Variants in ANGPT1 observed in about 807,000 individuals in gnomAD.
The protein encoded by ANGPT1 is angiopoietin-1.
Under a neutral mutation model 62.2 loss-of-function variants are expected in ANGPT1, and 17 were observed. The observed-to-expected ratio is 0.27, with a 90% CI of 0.19 to 0.41. The LOEUF (loss-of-function observed/expected upper bound fraction) is 0.41, where lower values mean the gene tolerates loss of function less well. Ranked by LOEUF, ANGPT1 falls within the 10% of genes least tolerant of loss-of-function variation. The pLI is 1.00. For synonymous variants in ANGPT1, 199 were observed against 198.9 expected (o/e 1.00, Z 0.00); for missense variants, 478 against 594.9 (o/e 0.80, Z 2.04).
At chr8:107,437,193 T>C (rs1227447122) in intron 1 of ANGPT1, among the ~76,000 whole-genome samples, 1 of 152,198 alleles carries the variant, frequency 6.6e-6, no homozygotes, top group Non-Finnish European at 1.5e-5. Context: ...TTAACTGGCC[T>C]GTTAAGAAAC....
At position 107,366,598 on chromosome 8, in the gene ANGPT1, C is replaced by G. The variant is rs142895912; in HGVS notation, c.298-19501G>C. Among the ~76,000 whole-genome samples, 1,173 of 152,222 alleles carry G rather than the reference C, an allele frequency of 7.7e-3. 19 individuals carry two copies. The highest frequency in any genetic ancestry group is 0.027 in the African/African-American group (1,104 of 41,518). ...CTTGTTGTCATTATTTTTAAGTTAACAGTTGTGAAACTTAACTGCGTATTG... is the reference window on the plus strand; with the variant it reads ...CTTGTTGTCATTATTTTTAAGTTAAGAGTTGTGAAACTTAACTGCGTATTG... On this transcript the variant is annotated intron_variant, in intron 1 of 8. Coordinates refer to ENST00000517746, the MANE Select transcript of ANGPT1 (RefSeq NM_001146.5).
chr8:107,469,544 C>G (rs2130494234), intron 1 of ANGPT1, among the ~76,000 whole-genome samples: 1 of 152,088 alleles, frequency 6.6e-6, no homozygotes, highest in East Asian at 1.9e-4. Flanking sequence ...TGCACCAGCT[C>G]TATGACAGGC....
intron 1 of ANGPT1, among the ~76,000 whole-genome samples, chr8:107,433,620 TC>T (rs1438981502): frequency 2.0e-5 from 3 of 152,176 alleles, no homozygotes; most frequent in African/African-American, 2.4e-5. Flanking sequence ...GCTATTATGG[TC>T]CATAATTTTA....
chr8:107,257,140 G>A (rs960746397), intron 8 of ANGPT1, among the ~76,000 whole-genome samples: 5 of 152,270 alleles, frequency 3.3e-5, no homozygotes, highest in East Asian at 1.9e-4. Flanking sequence ...GATTACAGGC[G>A]TGAGCCACCG....
intron 1 of ANGPT1, among the ~76,000 whole-genome samples, chr8:107,396,440 G>T (rs867229623): frequency 8.7e-5 from 13 of 150,192 alleles, no homozygotes; most frequent in Middle Eastern, 3.4e-3. Flanking sequence ...ATAGAGATAT[G>T]TAAGGACATT....
intron 1 of ANGPT1, among the ~76,000 whole-genome samples, chr8:107,352,463 A>G (rs1217160371): frequency 6.6e-6 from 1 of 152,150 alleles, no homozygotes; most frequent in South Asian, 2.1e-4. Flanking sequence ...TGATGCTATC[A>G]TTCTCCATCA....
chr8:107,321,887 C>T lies in ANGPT1; in HGVS notation c.808+9G>A, dbSNP rs1203016690. On this transcript the variant is annotated intron_variant, in intron 4 of 8. Transcript: ENST00000517746. ...ATTAACAATACCAAAGTGAGGAAGA[C>T]ATTCTTACCACCTTCTTTAGTGCAA... 1 of 1,610,244 alleles carries T rather than the reference C, an allele frequency of 6.2e-7. No individual in the cohort carries two copies. The highest frequency in any genetic ancestry group is 1.7e-5 in the Admixed American group (1 of 59,940).
At position 107,497,457 on chromosome 8, in the gene ANGPT1, G is replaced by A. The variant is rs139398295; in HGVS notation, c.102C>T (p.Asn34=). The A allele has an allele frequency of 2.4e-5, 38 of 1,614,016 alleles. No homozygotes were observed. The East Asian group carries it at 4.9e-4, about 21-fold the overall frequency. The part of the protein sequence containing the change: ...RSPENSGRRY[N]RIQHGQCAYT... The stretch of plus-strand genomic sequence containing the variant: ...AGGCACATTGCCCATGTTGAATCCG[G>A]TTATATCTTCTCCCACTGTTTTCTG... Residue 34 remains asparagine (N), a synonymous_variant, in exon 1 of 9, where the codon AAC becomes AAT. Transcript: ENST00000517746.
chr8:107,456,192 A>G (rs866484321), intron 1 of ANGPT1, among the ~76,000 whole-genome samples: 18 of 152,240 alleles, frequency 1.2e-4, no homozygotes, highest in African/African-American at 3.6e-4. Context: ...GATTTGGTCA[A>G]CGTTAAAACA....
At chr8:107,457,447 T>C (rs1811948079) in intron 1 of ANGPT1, among the ~76,000 whole-genome samples, 1 of 152,100 alleles carries the variant, frequency 6.6e-6, no homozygotes, top group African/African-American at 2.4e-5. Flanking sequence ...GAATAAATTA[T>C]AATAAAGATT....
Position 107,250,067 on chromosome 8 carries a change from A to G in ANGPT1, c.*1788T>C, listed in dbSNP as rs965770183. ...GTAAACTTTAAAAAGTATTTTTCTTAACAATGTGAATAGCTTTATTTTCTC... is the reference window on the plus strand; with the variant it reads ...GTAAACTTTAAAAAGTATTTTTCTTGACAATGTGAATAGCTTTATTTTCTC... On this transcript the variant is annotated 3_prime_UTR_variant, in exon 9 of 9. Coordinates refer to ENST00000517746, the MANE Select transcript of ANGPT1 (RefSeq NM_001146.5). 6.6e-6 allele frequency: 1 copy of G among 152,594 alleles called. No individual in the cohort carries two copies. Among genetic ancestry groups the G allele is most frequent in the Non-Finnish European group, 1.5e-5 (1 of 68,016 alleles). 9.5% of individuals were successfully genotyped at this position (152,594 alleles called of 1,614,324 possible). A position where few individuals can be genotyped will look rare whatever the true frequency, so the allele number is the denominator to read the frequency against.
intron 1 of ANGPT1, among the ~76,000 whole-genome samples, chr8:107,439,161 TG>T (rs1422172916): frequency 2.0e-5 from 3 of 152,186 alleles, no homozygotes; most frequent in Non-Finnish European, 4.4e-5. Context: ...ATTTCTAGGT[TG>T]TTATCATACC....
chr8:107,405,684 G>C (rs1002807469), intron 1 of ANGPT1, among the ~76,000 whole-genome samples: 1 of 151,812 alleles, frequency 6.6e-6, no homozygotes, highest in Non-Finnish European at 1.5e-5. Context: ...AATCTGAAAC[G>C]CTCCTGGTCC....
At chr8:107,379,808 G>T (rs1190824146) in intron 1 of ANGPT1, among the ~76,000 whole-genome samples, 1 of 152,172 alleles carries the variant, frequency 6.6e-6, no homozygotes, top group African/African-American at 2.4e-5. Context: ...TTAAGAAAAA[G>T]TGAATTTATT....
intron 1 of ANGPT1, among the ~76,000 whole-genome samples, chr8:107,415,812 C>T (rs137871710): frequency 4.7e-4 from 72 of 152,242 alleles, no homozygotes; most frequent in Middle Eastern, 3.4e-3. Context: ...TTGAAGCCAA[C>T]CTTTCCCTAT....
chr8:107,410,701 T>G (rs1817250104), intron 1 of ANGPT1, among the ~76,000 whole-genome samples: 1 of 152,190 alleles, frequency 6.6e-6, no homozygotes, highest in African/African-American at 2.4e-5. Flanking sequence ...CCAGAACATG[T>G]GACTTAACAA....
intron 1 of ANGPT1, among the ~76,000 whole-genome samples, chr8:107,360,367 T>TGA (rs1816136874): frequency 6.6e-6 from 1 of 152,126 alleles, no homozygotes; most frequent in Admixed American, 6.6e-5. Flanking sequence ...GCAGAAGTGA[T>TGA]GAGAAGTTCA....
intron 7 of ANGPT1, among the ~76,000 whole-genome samples, chr8:107,270,593 T>A (rs888269622): frequency 6.6e-6 from 1 of 151,992 alleles, no homozygotes; most frequent in Non-Finnish European, 1.5e-5. Context: ...CTGGGCACCA[T>A]TAGCCAAGAG....
chr8:107,324,215 A>ATGTATATATATATATGTGTGTGTG (rs1554582627), intron 3 of ANGPT1, among the ~76,000 whole-genome samples: 21 of 144,828 alleles, frequency 1.5e-4, no homozygotes, highest in African/African-American at 5.2e-4. Flanking sequence ...GTATATATAT[A>ATGTATATATATATATGTGTGTGTG]TGTGTGTGTG....
Sources: allele counts gnomAD v4.1 joint callset (sites outside exome capture counted in the v4.1 genomes callset), GRCh38; gene constraint gnomAD v4.1.1; transcripts MANE v1.5; gene names NCBI Gene and HGNC (gene_info 2026-07-23, HGNC 2026-07-21).